Variants in ITGBL1 observed in about 807,000 individuals in gnomAD.
ITGBL1 encodes the protein integrin beta-like protein 1.
In ITGBL1, 51 loss-of-function variants were observed where a neutral mutation model predicts 68.5. The ratio of observed to expected loss-of-function variants is 0.74; its 90% confidence interval spans 0.59 to 0.94. The LOEUF is 0.94. Ranked by LOEUF, ITGBL1 falls within the 40% of genes least tolerant of loss-of-function variation. ITGBL1 has a pLI of 0.00. For synonymous variants in ITGBL1, 209 were observed against 227.3 expected, an observed-to-expected ratio of 0.92 and a Z score of 0.72; for missense variants, 649 against 647.4, an observed-to-expected ratio of 1.00 and a Z score of -0.03.
intron 9 of ITGBL1, chr13:101,713,494 C>T (rs1234211903): frequency 6.6e-6 from 1 of 152,080 alleles, no homozygotes; most frequent in Non-Finnish European, 1.5e-5. Context: ...TTGGAAAGAA[C>T]AACCAACCCA....
At chr13:101,711,288 C>T (rs2034455121) in intron 9 of ITGBL1, 1 of 152,224 alleles carries the variant, frequency 6.6e-6, no homozygotes, top group Non-Finnish European at 1.5e-5. Context: ...GCTGTAAACA[C>T]ATGTCATTAA....
intron 7 of ITGBL1, among the ~76,000 whole-genome samples, chr13:101,660,861 G>A (rs911793544): frequency 6.6e-6 from 1 of 152,196 alleles, no homozygotes; most frequent in Admixed American, 6.5e-5. Flanking sequence ...GGCATTTTGT[G>A]AGCAGGTGGT....
chr13:101,537,150 G>T (rs1245351472), intron 2 of ITGBL1, among the ~76,000 whole-genome samples: 9 of 151,992 alleles, frequency 5.9e-5, no homozygotes, highest in Admixed American at 1.3e-4. Flanking sequence ...CCTGAGACAT[G>T]TGAAATTCAT....
intron 2 of ITGBL1, among the ~76,000 whole-genome samples, chr13:101,475,589 A>G (rs2048524293): frequency 6.6e-6 from 1 of 152,174 alleles, no homozygotes; most frequent in Admixed American, 6.5e-5. Flanking sequence ...TAGAACATCA[A>G]ATAGATTTAA....
chr13:101,711,715 T>A (rs2034474777), intron 9 of ITGBL1: 1 of 152,152 alleles, frequency 6.6e-6, no homozygotes, highest in African/African-American at 2.4e-5. Flanking sequence ...CCTTCCTATG[T>A]CCTAAGATGC....
chr13:101,604,887 T>TATATATGCACACACACAC, intron 7 of ITGBL1, among the ~76,000 whole-genome samples: 2 of 22,164 alleles, frequency 9.0e-5, no homozygotes, highest in African/African-American at 1.5e-4. Flanking sequence ...TATATATATA[T>TATATATGCACACACACAC]ACACACACAC....
chr13:101,677,801 CT>C (rs2033541172), intron 7 of ITGBL1, among the ~76,000 whole-genome samples: 1 of 152,160 alleles, frequency 6.6e-6, no homozygotes, highest in Non-Finnish European at 1.5e-5. Context: ...AGCAAATTTA[CT>C]ACATCCTTAA....
chr13:101,469,586 G>T (rs1436113265), intron 2 of ITGBL1, among the ~76,000 whole-genome samples: 4 of 152,192 alleles, frequency 2.6e-5, no homozygotes, highest in African/African-American at 7.2e-5. Flanking sequence ...GGGAGGCTGA[G>T]ACAGGATAAT....
chr13:101,698,803 T>C (rs1429122203), intron 8 of ITGBL1, among the ~76,000 whole-genome samples: 1 of 152,212 alleles, frequency 6.6e-6, no homozygotes, highest in African/African-American at 2.4e-5. Flanking sequence ...TAGCCTAATA[T>C]AAGTTAAATC....
chr13:101,523,734 AG>A (rs5806227), intron 2 of ITGBL1, among the ~76,000 whole-genome samples: 112,238 of 152,072 alleles, frequency 0.74, 41,438 homozygotes, highest in South Asian at 0.79. Flanking sequence ...CAATTCTTGG[AG>A]GGGTTGTGAC....
At chr13:101,579,169 G>A (rs1594901647) in intron 4 of ITGBL1, 118 bp from the exon 5 acceptor site, 3 of 1,036,138 alleles carry the variant, frequency 2.9e-6, no homozygotes, top group East Asian at 4.8e-5. Flanking sequence ...TTTAGGCAAG[G>A]AATGTGGAGC....
intron 7 of ITGBL1, among the ~76,000 whole-genome samples, chr13:101,674,623 G>A (rs1002037049): frequency 1.3e-5 from 2 of 151,538 alleles, no homozygotes; most frequent in African/African-American, 4.8e-5. Flanking sequence ...TCTGTCAAAG[G>A]TACTATTTAT....
chr13:101,580,903 G>T lies in ITGBL1; in HGVS notation c.727+1476G>T, dbSNP rs569235009. On this transcript the variant is annotated intron_variant, in intron 5 of 10. Coordinates refer to ENST00000376180, the MANE Select transcript of ITGBL1 (RefSeq NM_004791.3). ...GCTGTGCTTGGAGCATTCTGACCTG[G>T]AGCTATGGCAGAGGCAGAATGGGAA... Among the ~76,000 whole-genome samples, 4 of 152,310 alleles carry T rather than the reference G, an allele frequency of 2.6e-5. No individual in the cohort carries two copies. The South Asian group carries it at 8.3e-4, about 32-fold the overall frequency.
intron 7 of ITGBL1, among the ~76,000 whole-genome samples, chr13:101,655,981 G>A (rs1194883783): frequency 2.0e-5 from 3 of 152,200 alleles, no homozygotes; most frequent in East Asian, 3.9e-4. Context: ...TTAGGATGGC[G>A]TGAGACATCA....
At chr13:101,714,169 C>T (rs1022385317) in intron 9 of ITGBL1, 7 of 396,042 alleles carry the variant, frequency 1.8e-5, no homozygotes, top group Admixed American at 1.2e-4. Flanking sequence ...CCCCATCCTG[C>T]TCTCATTGAC....
intron 7 of ITGBL1, 30 bp downstream of exon 7, chr13:101,598,329 G>A (rs746577919): frequency 2.1e-5 from 32 of 1,532,874 alleles, no homozygotes; most frequent in African/African-American, 2.8e-5. Flanking sequence ...GCTTCCCACG[G>A]CCTCTCCATC....
intron 7 of ITGBL1, among the ~76,000 whole-genome samples, chr13:101,599,878 C>A (rs1427346123): frequency 6.6e-6 from 1 of 152,116 alleles, no homozygotes; most frequent in East Asian, 1.9e-4. Flanking sequence ...CGTGATGCCT[C>A]CAGCTTTGTT....
At position 101,714,450 on chromosome 13, in the gene ITGBL1, G is replaced by A; in HGVS notation, c.1292G>A (p.Cys431Tyr). The change falls in exon 10 of 11, where the codon TGT becomes TAT. Residue 431 changes from cysteine to tyrosine, a missense_variant. By Grantham distance (194) the Cys-to-Tyr change is radical. Coordinates refer to ENST00000376180, the MANE Select transcript of ITGBL1 (RefSeq NM_004791.3). ...TTTGTAATTTCAGGTTCTTGTCATTGTGGGAAGTGCATTTGTTCTGCTGAA... is the reference window on the plus strand; with the variant it reads ...TTTGTAATTTCAGGTTCTTGTCATTATGGGAAGTGCATTTGTTCTGCTGAA... ...ILCSGKGSCH[C>Y]GKCICSAEEW... 1 of 1,603,112 alleles carries A rather than the reference G, an allele frequency of 6.2e-7. No individual in the cohort carries two copies.
intron 2 of ITGBL1, among the ~76,000 whole-genome samples, chr13:101,526,904 C>A (rs2049390303): frequency 6.6e-6 from 1 of 151,914 alleles, no homozygotes. Context: ...AGAACATTTT[C>A]TTGTATCAAC....
Sources: gnomAD v4.1 joint callset for allele counts (sites outside exome capture counted in the v4.1 genomes callset) on GRCh38, gnomAD v4.1.1 for gene constraint, MANE v1.5 for transcripts, NCBI Gene and HGNC (gene_info 2026-07-23, HGNC 2026-07-21) for gene names.